Variants in USP45 observed in about 807,000 individuals in gnomAD.
The protein encoded by USP45 is ubiquitin carboxyl-terminal hydrolase 45.
A neutral mutation model predicts 95.8 loss-of-function variants in USP45; 89 were observed. That is an observed-to-expected ratio of 0.93 (90% confidence interval 0.78 to 1.11). The LOEUF (loss-of-function observed/expected upper bound fraction) is 1.11. Among genes scored for constraint, USP45 ranks in the 50% least tolerant of loss-of-function variants. The pLI is 0.00. For synonymous variants in USP45, 281 were observed against 316.2 expected, an observed-to-expected ratio of 0.89 and a Z score of 1.18; for missense variants, 898 against 942.5, an observed-to-expected ratio of 0.95 and a Z score of 0.62.
intron 9 of USP45, among the ~76,000 whole-genome samples, chr6:99,474,974 AT>A (rs1214983862): frequency 6.6e-6 from 1 of 152,198 alleles, no homozygotes; most frequent in African/African-American, 2.4e-5. Context: ...TCCACAGGCT[AT>A]TCCTTTTCTG....
chr6:99,489,054 T>A (rs1314887267), intron 5 of USP45, among the ~76,000 whole-genome samples: 1 of 152,138 alleles, frequency 6.6e-6, no homozygotes, highest in African/African-American at 2.4e-5. Flanking sequence ...ACAGAATAAA[T>A]TGCAGATGAA....
chr6:99,477,767 C>G (rs1418939189), intron 8 of USP45, among the ~76,000 whole-genome samples: 1 of 152,214 alleles, frequency 6.6e-6, no homozygotes, highest in African/African-American at 2.4e-5. Flanking sequence ...TGCTAACTAG[C>G]AGCACATAGC....
At chr6:99,464,051 A>G (rs1164339335) in intron 13 of USP45, among the ~76,000 whole-genome samples, 2 of 151,996 alleles carry the variant, frequency 1.3e-5, no homozygotes, top group African/African-American at 4.8e-5. Context: ...TCACTCCTGT[A>G]ATCCCAGCGC....
intron 1 of USP45, chr6:99,514,860 A>C (rs577007148): frequency 6.6e-6 from 1 of 152,294 alleles, no homozygotes; most frequent in Admixed American, 6.5e-5. Flanking sequence ...CCACCTTAGG[A>C]GATAAGTTGC....
chr6:99,476,009 G>C, intron 9 of USP45, 134 bp downstream of exon 9: 1 of 665,290 alleles, frequency 1.5e-6, no homozygotes, highest in Non-Finnish European at 2.5e-6. Flanking sequence ...TAGAGACGAG[G>C]TTTCACTATG....
At chr6:99,489,329 G>C (rs1407676515) in intron 5 of USP45, among the ~76,000 whole-genome samples, 2 of 152,150 alleles carry the variant, frequency 1.3e-5, no homozygotes, top group African/African-American at 4.8e-5. Flanking sequence ...ATAAAAATAA[G>C]TAAGGGTAGT....
At chr6:99,485,175 C>CAAAAAAAAAA (rs1190400783) in intron 7 of USP45, among the ~76,000 whole-genome samples, 38 of 88,620 alleles carry the variant, frequency 4.3e-4, no homozygotes, top group African/African-American at 6.7e-4. Flanking sequence ...ACTAAAAATA[C>CAAAAAAAAAA]AAAAAAAAAA....
At chr6:99,501,481 T>A (rs1326238931) in intron 5 of USP45, among the ~76,000 whole-genome samples, 2 of 152,218 alleles carry the variant, frequency 1.3e-5, no homozygotes, top group African/African-American at 4.8e-5. Flanking sequence ...AATATTAGCC[T>A]TTCTTGATCA....
At chr6:99,461,988 T>C (rs1786556380) in intron 13 of USP45, 1 of 985,190 alleles carries the variant, frequency 1.0e-6, no homozygotes, top group African/African-American at 1.7e-5. Flanking sequence ...AACGTAAACT[T>C]CCTAATGACT....
chr6:99,441,499 T>A (rs184976112), intron 15 of USP45, among the ~76,000 whole-genome samples: 4 of 151,132 alleles, frequency 2.6e-5, no homozygotes, highest in Admixed American at 2.0e-4. Flanking sequence ...GCCATTGCAC[T>A]CCAGCCTGGG....
At chr6:99,472,697 C>T (rs542480121) in intron 9 of USP45, among the ~76,000 whole-genome samples, 6 of 152,128 alleles carry the variant, frequency 3.9e-5, no homozygotes, top group Non-Finnish European at 8.8e-5. Flanking sequence ...CTGTTCCCAC[C>T]GTGCCAACAT....
chr6:99,467,669 G>A (rs1167419250), intron 10 of USP45, among the ~76,000 whole-genome samples: 2 of 151,904 alleles, frequency 1.3e-5, no homozygotes, highest in African/African-American at 2.4e-5. Flanking sequence ...GGAAAGAGGG[G>A]GAAGAAAAAC....
At chr6:99,494,324 A>T (rs144103019) in intron 5 of USP45, among the ~76,000 whole-genome samples, 3 of 152,204 alleles carry the variant, frequency 2.0e-5, no homozygotes, top group Non-Finnish European at 4.4e-5. Flanking sequence ...TCGGCACTTT[A>T]AAGTTTTTAA....
At chr6:99,509,919 C>T (rs917611774) in intron 2 of USP45, among the ~76,000 whole-genome samples, 1 of 152,140 alleles carries the variant, frequency 6.6e-6, no homozygotes, top group African/African-American at 2.4e-5. Flanking sequence ...GCAGTGGGCC[C>T]CGTGGAATCT....
chr6:99,488,007 T>G (rs1794365469), intron 7 of USP45, among the ~76,000 whole-genome samples, 193 bp downstream of exon 7: 1 of 152,242 alleles, frequency 6.6e-6, no homozygotes, highest in Admixed American at 6.5e-5. Context: ...CATGGCATAT[T>G]GGAACCATAA....
At chr6:99,446,612 A>G (rs1782605305) in intron 13 of USP45, 149 bp from the exon 14 acceptor site, 1 of 761,256 alleles carries the variant, frequency 1.3e-6, no homozygotes, top group South Asian at 1.9e-5. Context: ...ACTAGAAGAT[A>G]TACTAAAAAA....
intron 5 of USP45, among the ~76,000 whole-genome samples, chr6:99,496,940 A>C (rs1375318593): frequency 6.6e-6 from 1 of 152,108 alleles, no homozygotes; most frequent in Non-Finnish European, 1.5e-5. Context: ...ATTATCACCT[A>C]AAGTTCCTAG....
intron 14 of USP45, among the ~76,000 whole-genome samples, chr6:99,445,424 A>G (rs1358045126): frequency 6.6e-6 from 1 of 151,608 alleles, no homozygotes; most frequent in Non-Finnish European, 1.5e-5. Context: ...TGGAGGTTGC[A>G]GTGAGCCGAG....
At chr6:99,456,019 G>A (rs181872841) in intron 13 of USP45, among the ~76,000 whole-genome samples, 115 of 150,520 alleles carry the variant, frequency 7.6e-4, no homozygotes, top group African/African-American at 2.8e-3. Flanking sequence ...TGTAGTCCCA[G>A]CTACTTGGGA....
Sources: allele counts gnomAD v4.1 joint callset (sites outside exome capture counted in the v4.1 genomes callset), GRCh38; gene constraint gnomAD v4.1.1; transcripts MANE v1.5; gene names NCBI Gene and HGNC (gene_info 2026-07-23, HGNC 2026-07-21).